TAS2R1: variants seen among roughly 807,000 people sequenced by gnomAD.
TAS2R1 encodes the protein taste 2 receptor member 1.
For missense variants in TAS2R1, 370 were observed against 353.4 expected, an observed-to-expected ratio of 1.05 and a Z score of -0.38; for synonymous variants, 141 against 134.2, an observed-to-expected ratio of 1.05 and a Z score of -0.35.
chr5:9,727,081 C>A, the TAS2R1 span, among the ~76,000 whole-genome samples: 508 of 152,320 alleles, frequency 3.3e-3, 1 homozygote, highest in African/African-American at 0.011. Flanking sequence ...CCAGTCACAG[C>A]AGTTCCTGAG....
At chr5:9,852,329 C>CATTGG in the TAS2R1 span, among the ~76,000 whole-genome samples, 21 of 151,016 alleles carry the variant, frequency 1.4e-4, no homozygotes, top group African/African-American at 5.1e-4. Flanking sequence ...AACTGTAGAT[C>CATTGG]ACAAGAGTGT....
At chr5:9,666,479 C>T (rs555043136) in intron 1 of TAS2R1, among the ~76,000 whole-genome samples, 1 of 152,234 alleles carries the variant, frequency 6.6e-6, no homozygotes, top group East Asian at 1.9e-4. Context: ...GGGGCTTCAT[C>T]AATGAAAGAG....
chr5:9,678,639 G>T (rs1482667598), intron 1 of TAS2R1, among the ~76,000 whole-genome samples: 1 of 152,186 alleles, frequency 6.6e-6, no homozygotes, highest in African/African-American at 2.4e-5. Context: ...CAGGGACACA[G>T]ATGGACCTGG....
chr5:9,795,792 T>C, the TAS2R1 span, among the ~76,000 whole-genome samples: 3 of 152,182 alleles, frequency 2.0e-5, no homozygotes, highest in Non-Finnish European at 4.4e-5. Flanking sequence ...TGGATGTGCT[T>C]TGGAGCAGCC....
the TAS2R1 span, among the ~76,000 whole-genome samples, chr5:9,806,589 G>A: frequency 6.6e-6 from 1 of 151,790 alleles, no homozygotes; most frequent in Admixed American, 6.6e-5. Flanking sequence ...AAGAAATAAA[G>A]AGTCAAATAC....
the TAS2R1 span, among the ~76,000 whole-genome samples, chr5:9,763,883 G>A: frequency 1.6e-3 from 246 of 152,278 alleles, no homozygotes; most frequent in African/African-American, 5.7e-3. Flanking sequence ...ACAGAGCATC[G>A]TTTAGCTAGT....
chr5:9,680,348 G>C (rs1351201881), intron 1 of TAS2R1, among the ~76,000 whole-genome samples: 1 of 152,098 alleles, frequency 6.6e-6, no homozygotes, highest in African/African-American at 2.4e-5. Flanking sequence ...TCCTCAAGAA[G>C]GGGGAGCATA....
At chr5:9,878,001 G>C in the TAS2R1 span, among the ~76,000 whole-genome samples, 2 of 152,196 alleles carry the variant, frequency 1.3e-5, no homozygotes, top group African/African-American at 2.4e-5. Context: ...GAGGAAGACA[G>C]AAATGGGGTT....
chr5:9,858,926 C>G, the TAS2R1 span, among the ~76,000 whole-genome samples: 8 of 152,182 alleles, frequency 5.3e-5, no homozygotes, highest in African/African-American at 1.9e-4. Context: ...AGGTAGCAGA[C>G]AAGCTGTAAG....
At chr5:9,726,767 G>A in the TAS2R1 span, among the ~76,000 whole-genome samples, 26 of 152,294 alleles carry the variant, frequency 1.7e-4, 1 homozygote, top group East Asian at 5.0e-3. Context: ...CACCAACTGA[G>A]GATGATGGCT....
At chr5:9,718,547 A>G in the TAS2R1 span, among the ~76,000 whole-genome samples, 47,520 of 151,942 alleles carry the variant, frequency 0.31, 7,699 homozygotes, top group East Asian at 0.56. Flanking sequence ...CAACACTTTG[A>G]GAGGCAAAGA....
chr5:9,679,271 G>A (rs916543794), intron 1 of TAS2R1, among the ~76,000 whole-genome samples: 7 of 152,194 alleles, frequency 4.6e-5, no homozygotes, highest in African/African-American at 7.2e-5. Flanking sequence ...AAATAATACC[G>A]TGATGGCAAA....
At chr5:9,798,080 A>C in the TAS2R1 span, among the ~76,000 whole-genome samples, 5 of 152,252 alleles carry the variant, frequency 3.3e-5, no homozygotes, top group African/African-American at 1.2e-4. Flanking sequence ...ACGAGAACAT[A>C]AATGAGCCTC....
At chr5:9,806,125 C>G in the TAS2R1 span, among the ~76,000 whole-genome samples, 16 of 152,086 alleles carry the variant, frequency 1.1e-4, no homozygotes, top group South Asian at 4.1e-4. Flanking sequence ...AGAATCATAT[C>G]AAGAACTCAA....
the TAS2R1 span, among the ~76,000 whole-genome samples, chr5:9,874,969 G>C: frequency 7.2e-5 from 11 of 152,082 alleles, no homozygotes; most frequent in African/African-American, 1.7e-4. Context: ...TTATAATAAG[G>C]GTCCTTCTGA....
At chr5:9,664,405 G>A (rs1740591784) in intron 1 of TAS2R1, among the ~76,000 whole-genome samples, 1 of 152,170 alleles carries the variant, frequency 6.6e-6, no homozygotes, top group South Asian at 2.1e-4. Context: ...CAGAGTACAA[G>A]GGACAGGGGA....
chr5:9,844,306 C>A, the TAS2R1 span, among the ~76,000 whole-genome samples: 1 of 152,180 alleles, frequency 6.6e-6, no homozygotes, highest in African/African-American at 2.4e-5. Flanking sequence ...CTTATAAATT[C>A]CTGAATGATC....
the TAS2R1 span, among the ~76,000 whole-genome samples, chr5:9,828,457 C>T: frequency 1.3e-5 from 2 of 151,996 alleles, no homozygotes; most frequent in East Asian, 1.9e-4. Flanking sequence ...CAACTGAGGC[C>T]CAGGAATTAC....
the TAS2R1 span, among the ~76,000 whole-genome samples, chr5:9,829,014 G>T: frequency 1.3e-5 from 2 of 152,158 alleles, no homozygotes; most frequent in Admixed American, 1.3e-4. Flanking sequence ...CCAGTGCTGT[G>T]TTATGAATAC....
Sources: allele counts gnomAD v4.1 joint callset (sites outside exome capture counted in the v4.1 genomes callset), GRCh38; gene constraint gnomAD v4.1.1; transcripts MANE v1.5; gene names NCBI Gene and HGNC (gene_info 2026-07-23, HGNC 2026-07-21).